The following ABI3BP variants were observed in gnomAD, a reference collection of about 807,000 sequenced individuals.
The protein encoded by ABI3BP is ABI family member 3 binding protein.
Under a neutral mutation model 268.6 loss-of-function variants are expected in ABI3BP, and 216 were observed. The ratio of observed to expected loss-of-function variants is 0.80; its 90% confidence interval spans 0.72 to 0.90. ABI3BP has a LOEUF of 0.90. Among genes scored for constraint, ABI3BP ranks in the 40% least tolerant of loss-of-function variants. The pLI is 0.00. For missense variants in ABI3BP, 2,090 were observed against 2,182.4 expected (o/e 0.96, Z 0.84); for synonymous variants, 730 against 730.0 (o/e 1.00, Z 0.00).
intron 1 of ABI3BP, among the ~76,000 whole-genome samples, chr3:100,937,849 G>A (rs80125282): frequency 7.2e-5 from 11 of 152,010 alleles, no homozygotes; most frequent in Non-Finnish European, 1.5e-4. Flanking sequence ...AAGATGTCAC[G>A]TCTCAAGTTT....
In ABI3BP at chr3:100,824,878, T is replaced by C. The variant is rs1301823752; in HGVS notation, c.2726A>G (p.Gln909Arg). 2.0e-6 allele frequency: 3 copies of C among 1,535,944 alleles called. No homozygotes were observed. Among genetic ancestry groups the C allele is most frequent in the Non-Finnish European group, 1.7e-6 (2 of 1,146,654 alleles). Residue 909 changes from glutamine (Q) to arginine (R), a missense_variant, in exon 36 of 68, where the codon CAG becomes CGG. Transcript: ENST00000471714. ...RPRPKTTPSP[Q>R]APETKPVPAT... The stretch of plus-strand genomic sequence containing the variant: ...TTTACCAGGTTTGGTCTCAGGTGCC[T>C]GAGGGCTCGGTGTAGTTTTAGGTCT...
At chr3:100,979,470 C>T (rs1434396162) in intron 1 of ABI3BP, among the ~76,000 whole-genome samples, 1 of 152,082 alleles carries the variant, frequency 6.6e-6, no homozygotes, top group East Asian at 1.9e-4. Flanking sequence ...AAAGAGATAT[C>T]CCTAAAAGGA....
chr3:100,856,791 A>G (rs947315305), intron 14 of ABI3BP, among the ~76,000 whole-genome samples: 1 of 152,186 alleles, frequency 6.6e-6, no homozygotes, highest in South Asian at 2.1e-4. Flanking sequence ...AACCCATATT[A>G]AGTCTTTAGA....
intron 49 of ABI3BP, 150 bp downstream of exon 49, chr3:100,810,262 C>A: frequency 1.7e-6 from 1 of 593,234 alleles, no homozygotes; most frequent in Admixed American, 3.0e-5. Context: ...TGAGTAATTA[C>A]CAATGATAGC....
At position 100,795,046 on chromosome 3, in the gene ABI3BP, A is replaced by G. The variant is rs115350646; in HGVS notation, c.3866-43T>C. Reference sequence around the variant, plus strand: ...CCAAGGTTGTAAATTTTTAGATTCAAAGCCAGCACCAGACCAGATTGGTAT... The same window carrying G: ...CCAAGGTTGTAAATTTTTAGATTCAGAGCCAGCACCAGACCAGATTGGTAT... On this transcript the variant is annotated intron_variant, in intron 53 of 67. Coordinates refer to ENST00000471714, the MANE Select transcript of ABI3BP (RefSeq NM_001375547.2). 5.1e-3 allele frequency: 6,474 copies of G among 1,261,930 alleles called. 32 individuals carry two copies. The highest frequency in any genetic ancestry group is 5.8e-3 in the Non-Finnish European group (5,489 of 951,778). The allele number at this position is 1,261,930 out of a possible 1,614,324, so 78.2% of individuals were successfully genotyped here. A position where few individuals can be genotyped will look rare whatever the true frequency, so the allele number is the denominator to read the frequency against.
chr3:100,755,668 G>A (rs1300570676), intron 63 of ABI3BP, among the ~76,000 whole-genome samples: 1 of 152,168 alleles, frequency 6.6e-6, no homozygotes, highest in Non-Finnish European at 1.5e-5. Context: ...CATAAAATAT[G>A]TAAGCAAAGC....
At chr3:100,851,774 C>T in intron 15 of ABI3BP, 101 bp downstream of exon 15, 2 of 972,358 alleles carry the variant, frequency 2.1e-6, no homozygotes, top group East Asian at 2.6e-5. Context: ...CCATGCAGAG[C>T]TCCAGAGGAT....
intron 27 of ABI3BP, among the ~76,000 whole-genome samples, chr3:100,836,911 G>A (rs934994404): frequency 1.3e-5 from 2 of 152,168 alleles, no homozygotes; most frequent in African/African-American, 2.4e-5. Flanking sequence ...GAATGTGATC[G>A]AAGAAAGAAT....
intron 62 of ABI3BP, among the ~76,000 whole-genome samples, chr3:100,768,148 A>G (rs988893469): frequency 5.3e-5 from 7 of 130,994 alleles, no homozygotes; most frequent in Non-Finnish European, 7.7e-5. Flanking sequence ...GAGTGCAGTG[A>G]CGCCATCTCG....
At chr3:100,928,901 A>C (rs2153654642) in intron 1 of ABI3BP, among the ~76,000 whole-genome samples, 2 of 152,190 alleles carry the variant, frequency 1.3e-5, no homozygotes, top group African/African-American at 4.8e-5. Flanking sequence ...TGGGGTGCCA[A>C]CTGCTAGTGT....
rs549985677 is a variant in ABI3BP, at chr3:100,920,891, T to C, written c.259+5411A>G. Among the ~76,000 whole-genome samples the C allele has an allele frequency of 7.2e-5, 11 of 152,330 alleles. No individual in the cohort carries two copies. In the South Asian group the frequency reaches 2.3e-3, roughly 32 times the overall value. ...AACCCAGGTCTGTCTGACTCAAAAG[T>C]AAACAGGTATTCTTTCCTCACATCA... On this transcript the variant is annotated intron_variant, in intron 2 of 67. Transcript: ENST00000471714.
At chr3:100,992,609 C>A (rs1280288391) in intron 1 of ABI3BP, among the ~76,000 whole-genome samples, 1 of 152,186 alleles carries the variant, frequency 6.6e-6, no homozygotes, top group Non-Finnish European at 1.5e-5. Flanking sequence ...GAGGCAACAG[C>A]CTCTTGTTTT....
intron 1 of ABI3BP, among the ~76,000 whole-genome samples, chr3:100,932,077 A>T (rs186272816): frequency 6.6e-6 from 1 of 152,156 alleles, no homozygotes; most frequent in African/African-American, 2.4e-5. Context: ...CTGATTTTCA[A>T]CAAAGCCGAA....
At chr3:100,773,583 A>G (rs574703285) in intron 61 of ABI3BP, among the ~76,000 whole-genome samples, 11 of 152,182 alleles carry the variant, frequency 7.2e-5, no homozygotes, top group Non-Finnish European at 1.5e-4. Context: ...TCATGTAGCC[A>G]CCCCTTCCTA....
At chr3:100,848,473 C>T (rs1023467241) in intron 18 of ABI3BP, among the ~76,000 whole-genome samples, 2 of 148,552 alleles carry the variant, frequency 1.3e-5, no homozygotes, top group Non-Finnish European at 3.0e-5. Context: ...AAAACATATC[C>T]TTTTTTTTTT....
At chr3:100,844,157 C>T (rs546832337) in intron 20 of ABI3BP, 2 of 985,410 alleles carry the variant, frequency 2.0e-6, no homozygotes, top group South Asian at 9.4e-5. Context: ...CTAAGCCACT[C>T]ATCTCAGCAC....
Position 100,749,246 on chromosome 3 carries a change from T to C in ABI3BP, c.*1249A>G. 4.0e-5 allele frequency: 1 copy of C among 24,832 alleles called. No individual in the cohort carries two copies. Among genetic ancestry groups the C allele is most frequent in the Non-Finnish European group, 8.4e-5 (1 of 11,914 alleles). The allele number at this position is 24,832 out of a possible 1,614,324, so 1.5% of individuals were successfully genotyped here. ...AGATATAATGGGGGTTGGTAGAGCC[T>C]GAATAAAACTTAGTGATTTTCCTTC... On this transcript the variant is annotated 3_prime_UTR_variant, in exon 68 of 68. Coordinates refer to ENST00000471714, the MANE Select transcript of ABI3BP (RefSeq NM_001375547.2).
At chr3:100,817,138 A>G (rs1008520088) in intron 42 of ABI3BP, among the ~76,000 whole-genome samples, 2 of 152,190 alleles carry the variant, frequency 1.3e-5, no homozygotes, top group Non-Finnish European at 2.9e-5. Flanking sequence ...TGTGTTTGAA[A>G]TTTAGCTTCA....
intron 7 of ABI3BP, among the ~76,000 whole-genome samples, chr3:100,875,917 T>C (rs2099157227): frequency 6.6e-6 from 1 of 152,184 alleles, no homozygotes; most frequent in Non-Finnish European, 1.5e-5. Context: ...GCAATAAAAA[T>C]TTAGAAAATT....
Sources: allele counts gnomAD v4.1 joint callset (sites outside exome capture counted in the v4.1 genomes callset), GRCh38; gene constraint gnomAD v4.1.1; transcripts MANE v1.5; gene names NCBI Gene and HGNC (gene_info 2026-07-23, HGNC 2026-07-21).